BEGAIN: variants seen among roughly 807,000 people sequenced by gnomAD.
BEGAIN encodes the protein brain enriched guanylate kinase associated.
Under a neutral mutation model 35.8 loss-of-function variants are expected in BEGAIN, and 19 were observed. That is an observed-to-expected ratio of 0.53 (90% CI 0.37 to 0.78). The LOEUF (loss-of-function observed/expected upper bound fraction) is 0.78, where lower values mean the gene tolerates loss of function less well. BEGAIN is among the 30% of genes least tolerant of loss of function. The pLI, the probability that BEGAIN is intolerant of heterozygous loss-of-function variation, is 0.00. For missense variants in BEGAIN, 795 were observed against 853.6 expected (o/e 0.93, Z 0.85); for synonymous variants, 462 against 388.6 (o/e 1.19, Z -2.22).
chr14:100,547,898 C>G (rs909052386), intron 2 of BEGAIN: 3 of 152,172 alleles, frequency 2.0e-5, no homozygotes, highest in African/African-American at 4.8e-5. Context: ...CCACCACTGT[C>G]CCCCAGCCCC....
intron 2 of BEGAIN, among the ~76,000 whole-genome samples, chr14:100,555,773 G>T (rs970971642): frequency 6.6e-6 from 1 of 152,208 alleles, no homozygotes; most frequent in Non-Finnish European, 1.5e-5. Flanking sequence ...GGTCGACCAC[G>T]GTGGCCCCGG....
Position 100,558,427 on chromosome 14 carries a change from C to T in BEGAIN, c.71+9484G>A, listed in dbSNP as rs1304833925. On this transcript the variant is annotated intron_variant, in intron 2 of 6. Coordinates refer to ENST00000554140, the MANE Select transcript of BEGAIN (RefSeq NM_001385089.1). This position sits in a 1 kb window ranked among gnomAD's most constrained non-coding sequence, Gnocchi z 4.6. ...CTCCTCTGTGGGGTGCTCCTCATCT[C>T]CTGGCCTCCTGGCACCAGCGTGTCC... Among the ~76,000 whole-genome samples, 1 of 152,212 alleles carries T rather than the reference C, an allele frequency of 6.6e-6. No homozygotes were observed. The highest frequency in any genetic ancestry group is 2.4e-5 in the African/African-American group (1 of 41,454).
intron 1 of BEGAIN, among the ~76,000 whole-genome samples, chr14:100,572,076 A>T (rs1228698997): frequency 6.6e-6 from 1 of 152,114 alleles, no homozygotes. Flanking sequence ...CCTGGGCAGC[A>T]TCCTTCCTGC....
rs1213454201 is a variant in BEGAIN at position 100,573,514 on chromosome 14, G to C, written c.43-5575C>G. On this transcript the variant is annotated intron_variant, in intron 1 of 6. Coordinates refer to ENST00000554140, the MANE Select transcript of BEGAIN (RefSeq NM_001385089.1). The surrounding 1 kb of genome is among the most constrained non-coding windows in gnomAD (Gnocchi z 4.2). Reference sequence around the variant, plus strand: ...ATGGGGGCGTCTCTGGCACACCACTGTGTGGAGAGGGGCAAGTGCAGGACC... The same window carrying C: ...ATGGGGGCGTCTCTGGCACACCACTCTGTGGAGAGGGGCAAGTGCAGGACC... 6.6e-6 allele frequency among the ~76,000 whole-genome samples: 1 copy of C among 152,158 alleles called. No individual in the cohort carries two copies. Among genetic ancestry groups the C allele is most frequent in the African/African-American group, 2.4e-5 (1 of 41,436 alleles).
chr14:100,581,477 C>T (rs940927632), intron 1 of BEGAIN, among the ~76,000 whole-genome samples: 16 of 152,138 alleles, frequency 1.1e-4, no homozygotes, highest in African/African-American at 2.7e-4. Context: ...CTCCTGGCAC[C>T]GCAGCCCCTG....
In BEGAIN at chr14:100,568,758, C is replaced by T; in HGVS notation, c.43-819G>A. 1.4e-6 allele frequency: 1 copy of T among 730,528 alleles called. No individual in the cohort carries two copies. The highest frequency in any genetic ancestry group is 1.7e-6 in the Non-Finnish European group (1 of 595,636). The allele number at this position is 730,528 out of a possible 1,614,324, so 45.3% of individuals were successfully genotyped here. A position where few individuals can be genotyped will look rare whatever the true frequency, so the allele number is the denominator to read the frequency against. On this transcript the variant is annotated intron_variant, in intron 1 of 6. Coordinates refer to ENST00000554140, the MANE Select transcript of BEGAIN (RefSeq NM_001385089.1). This position sits in a 1 kb window ranked among gnomAD's most constrained non-coding sequence, Gnocchi z 7.5. The stretch of plus-strand genomic sequence containing the variant: ...CGCGAGCGGCCCGGGCGGGATCGCA[C>T]TTCCTGCGTGGAGCTGGGGGCGCCG...
intron 2 of BEGAIN, among the ~76,000 whole-genome samples, chr14:100,557,372 C>T (rs985442308): frequency 3.9e-5 from 6 of 152,360 alleles, no homozygotes; most frequent in Non-Finnish European, 8.8e-5. Flanking sequence ...GCCATGGCGG[C>T]GGCTGCCCTG....
At chr14:100,577,332 G>C in intron 1 of BEGAIN, 1 of 399,088 alleles carries the variant, frequency 2.5e-6, no homozygotes, top group Non-Finnish European at 4.4e-6. Flanking sequence ...ACCTCCAAGG[G>C]GAGGCAGTCC....
chr14:100,562,740 T>C (rs1377781025), intron 2 of BEGAIN, among the ~76,000 whole-genome samples: 4 of 152,128 alleles, frequency 2.6e-5, no homozygotes, highest in Admixed American at 2.6e-4. Context: ...GCTCAGGGCC[T>C]TCCCTGAGCC....
intron 4 of BEGAIN, among the ~76,000 whole-genome samples, chr14:100,544,271 G>A (rs1338733995): frequency 6.6e-6 from 1 of 152,154 alleles, no homozygotes; most frequent in Non-Finnish European, 1.5e-5. Context: ...ACTTGTGCCT[G>A]GCATAGAGCC....
intron 2 of BEGAIN, among the ~76,000 whole-genome samples, chr14:100,565,504 C>T (rs1469139307): frequency 6.6e-6 from 1 of 152,140 alleles, no homozygotes; most frequent in Non-Finnish European, 1.5e-5. Flanking sequence ...AGGACTGTCC[C>T]ATAAGTCAGT....
intron 2 of BEGAIN, among the ~76,000 whole-genome samples, chr14:100,555,712 G>A (rs1031251027): frequency 4.6e-5 from 7 of 152,218 alleles, no homozygotes; most frequent in African/African-American, 7.2e-5. Context: ...CGTGTCTCCC[G>A]CACAGCGAGA....
intron 2 of BEGAIN, among the ~76,000 whole-genome samples, chr14:100,555,066 G>A (rs984038434): frequency 2.0e-5 from 3 of 152,238 alleles, no homozygotes; most frequent in Non-Finnish European, 2.9e-5. Flanking sequence ...AAAGCTGCTC[G>A]GACCTCGCCT....
In BEGAIN at chr14:100,537,720, T is replaced by C. The variant is rs139157802; in HGVS notation, c.*249A>G. 2.2e-6 allele frequency: 1 copy of C among 452,140 alleles called. No individual in the cohort carries two copies. The allele number at this position is 452,140 out of a possible 1,614,324, so 28.0% of individuals were successfully genotyped here. On this transcript the variant is annotated 3_prime_UTR_variant, in exon 7 of 7. Transcript: ENST00000554140. ...TAAAAGGGGGGATGCTCCTCTCACA[T>C]GGGGGAAGGACGCGTGAAAAACGCT...
At chr14:100,544,961 G>T in intron 4 of BEGAIN, 39 bp downstream of exon 4, 6 of 1,597,398 alleles carry the variant, frequency 3.8e-6, no homozygotes, top group Non-Finnish European at 5.1e-6. Context: ...CGGGAAGGAG[G>T]TGTGGGGTGG....
intron 2 of BEGAIN, among the ~76,000 whole-genome samples, chr14:100,559,470 C>T (rs1304568575): frequency 6.6e-6 from 1 of 152,242 alleles, no homozygotes; most frequent in South Asian, 2.1e-4. Context: ...ATTAACCTTT[C>T]AGCGCCTGCC....
intron 1 of BEGAIN, among the ~76,000 whole-genome samples, chr14:100,582,604 G>A (rs2035344469): frequency 6.6e-6 from 1 of 152,162 alleles, no homozygotes; most frequent in Admixed American, 6.5e-5. Context: ...CCAGTCCCCA[G>A]CACCCAACAC....
intron 1 of BEGAIN, among the ~76,000 whole-genome samples, chr14:100,575,008 G>C (rs988859442): frequency 6.6e-6 from 1 of 152,208 alleles, no homozygotes; most frequent in African/African-American, 2.4e-5. Context: ...CGGTCCTAGA[G>C]ACCTTCTACA....
In BEGAIN at chr14:100,573,373, G is replaced by GTT. The variant is rs2035131796; in HGVS notation, c.43-5436_43-5435dup. 6.6e-6 allele frequency among the ~76,000 whole-genome samples: 1 copy of GTT among 152,148 alleles called. No homozygotes were observed. Among genetic ancestry groups the GTT allele is most frequent in the Admixed American group, 6.5e-5 (1 of 15,286 alleles). ...GCAGCCCTGCGGCTGTGCCTGGTGA[G>GTT]TTGGGAAGCATCCCGGTCACCAGTG... On this transcript the variant is annotated intron_variant, in intron 1 of 6. Coordinates refer to ENST00000554140, the MANE Select transcript of BEGAIN (RefSeq NM_001385089.1). The surrounding 1 kb of genome is among the most constrained non-coding windows in gnomAD (Gnocchi z 4.2).
Sources: allele counts gnomAD v4.1 joint callset (sites outside exome capture counted in the v4.1 genomes callset), GRCh38; gene constraint gnomAD v4.1.1; non-coding constraint Gnocchi (gnomAD v3.1); transcripts MANE v1.5; gene names NCBI Gene and HGNC (gene_info 2026-07-23, HGNC 2026-07-21).